XRN1: variants seen among roughly 807,000 people sequenced by gnomAD.
XRN1 encodes strand-exchange protein 1 homolog.
A neutral mutation model predicts 222.3 loss-of-function variants in XRN1; 67 were observed. The observed-to-expected ratio is 0.30, with a 90% confidence interval of 0.25 to 0.37. The LOEUF (loss-of-function observed/expected upper bound fraction) is 0.37. Ranked by LOEUF, XRN1 falls within the 10% of genes least tolerant of loss-of-function variation. XRN1 has a pLI of 1.00. For synonymous variants in XRN1, 643 were observed against 652.4 expected, an observed-to-expected ratio of 0.99 and a Z score of 0.22; for missense variants, 1,707 against 2,000.2, an observed-to-expected ratio of 0.85 and a Z score of 2.80.
chr3:142,384,468 AAT>A (rs929231578), intron 21 of XRN1, 53 bp downstream of exon 21: 1 of 1,381,850 alleles, frequency 7.2e-7, no homozygotes, highest in Non-Finnish European at 9.9e-7. Flanking sequence ...TTATACAGTG[AAT>A]AGTGTATTAA....
At chr3:142,336,365 T>C (rs901037879) in intron 33 of XRN1, among the ~76,000 whole-genome samples, 5 of 151,952 alleles carry the variant, frequency 3.3e-5, no homozygotes, top group Non-Finnish European at 5.9e-5. Flanking sequence ...TTTACCACTT[T>C]CTATCACTAG....
intron 33 of XRN1, among the ~76,000 whole-genome samples, chr3:142,340,284 G>T (rs2065957627): frequency 6.6e-6 from 1 of 152,200 alleles, no homozygotes; most frequent in African/African-American, 2.4e-5. Flanking sequence ...GAACCCAGGA[G>T]GCGGAGGTAG....
chr3:142,384,730 C>A (rs1453821927), intron 20 of XRN1, 45 bp from the exon 21 acceptor site: 5 of 1,397,598 alleles, frequency 3.6e-6, no homozygotes, highest in South Asian at 1.5e-5. Context: ...AATGAGTATG[C>A]AGATATTCTA....
chr3:142,368,432 A>C (rs1034961810), intron 27 of XRN1, among the ~76,000 whole-genome samples: 2 of 152,256 alleles, frequency 1.3e-5, no homozygotes, highest in African/African-American at 4.8e-5. Context: ...TACAGGCGTG[A>C]GCCACTGCAC....
rs772206184 is a variant in XRN1, at chr3:142,403,712, T to C, written c.2065A>G (p.Met689Val). 9 of 1,613,334 alleles carry C rather than the reference T, an allele frequency of 5.6e-6. No homozygotes were observed. The South Asian group carries it at 9.9e-5, about 18-fold the overall frequency. Reference protein sequence around the residue: ...FQQSSRGENMMLEILVDAESD... With the variant: ...FQQSSRGENMVLEILVDAESD... ...TCTGCATCCACTAAGATTTCCAACA[T>C]CATGTTTTCTCCACGACTGCTTTGC... The change falls in exon 18 of 41, where the codon ATG (methionine) becomes GTG (valine). Residue 689 changes from methionine (M) to valine (V), a missense_variant. Transcript: ENST00000392981.
At chr3:142,421,254 T>C in intron 9 of XRN1, 101 bp from the exon 10 acceptor site, 1 of 1,170,952 alleles carries the variant, frequency 8.5e-7, no homozygotes, top group African/African-American at 1.6e-5. Flanking sequence ...TATAGGAAAT[T>C]GGAGAATGTT....
intron 1 of XRN1, among the ~76,000 whole-genome samples, chr3:142,445,639 C>T (rs1347458212): frequency 2.0e-5 from 3 of 152,170 alleles, no homozygotes; most frequent in Non-Finnish European, 4.4e-5. Flanking sequence ...CTATCTCCTT[C>T]TCTTCTTGTC....
intron 33 of XRN1, 60 bp downstream of exon 33, chr3:142,347,174 G>A: frequency 8.9e-7 from 1 of 1,127,400 alleles, no homozygotes; most frequent in East Asian, 2.5e-5. Context: ...TCAATAAAAT[G>A]TTTATTTTTT....
intron 33 of XRN1, among the ~76,000 whole-genome samples, chr3:142,347,019 A>G (rs1373867443): frequency 6.6e-6 from 1 of 152,210 alleles, no homozygotes; most frequent in Non-Finnish European, 1.5e-5. Flanking sequence ...AGTGACTGCT[A>G]ATAGGTATGG....
intron 33 of XRN1, among the ~76,000 whole-genome samples, chr3:142,339,841 A>G (rs1165450933): frequency 1.3e-5 from 2 of 152,174 alleles, no homozygotes; most frequent in Admixed American, 6.5e-5. Flanking sequence ...AAATCCCCAA[A>G]TAGCTGTTTT....
intron 32 of XRN1, among the ~76,000 whole-genome samples, chr3:142,351,705 G>T (rs1297047958): frequency 6.6e-6 from 1 of 151,720 alleles, no homozygotes; most frequent in Non-Finnish European, 1.5e-5. Context: ...CTTACTGCTT[G>T]ACTAATGACT....
chr3:142,354,400 T>C (rs1175594884), intron 32 of XRN1, among the ~76,000 whole-genome samples: 1 of 152,184 alleles, frequency 6.6e-6, no homozygotes, highest in African/African-American at 2.4e-5. Flanking sequence ...AGAACTACCA[T>C]TCGACCCAGC....
At chr3:142,376,912 G>C (rs909138362) in intron 23 of XRN1, among the ~76,000 whole-genome samples, 1 of 152,002 alleles carries the variant, frequency 6.6e-6, no homozygotes, top group Admixed American at 6.6e-5. Context: ...CCACAGGCAA[G>C]TTTTTTGTTT....
At chr3:142,440,559 C>T (rs1043030848) in intron 1 of XRN1, among the ~76,000 whole-genome samples, 1 of 151,928 alleles carries the variant, frequency 6.6e-6, no homozygotes, top group Non-Finnish European at 1.5e-5. Flanking sequence ...ACAAGGACTC[C>T]AAAAGATTGT....
intron 19 of XRN1, among the ~76,000 whole-genome samples, chr3:142,397,819 G>A (rs2067984884): frequency 6.6e-6 from 1 of 152,128 alleles, no homozygotes; most frequent in Non-Finnish European, 1.5e-5. Context: ...AGCCAGAAGA[G>A]ATTGAAAATG....
chr3:142,326,670 AAC>A (rs1322158657), intron 37 of XRN1, among the ~76,000 whole-genome samples: 1 of 152,122 alleles, frequency 6.6e-6, no homozygotes, highest in East Asian at 1.9e-4. Context: ...GTACTATATT[AAC>A]AGTGGTGAAA....
chr3:142,376,604 T>C lies in XRN1; in HGVS notation c.2716-10A>G. The C allele has an allele frequency of 6.4e-7, 1 of 1,574,592 alleles. No homozygotes were observed. The highest frequency in any genetic ancestry group is 1.2e-5 in the South Asian group (1 of 86,660). On this transcript the variant is annotated splice_polypyrimidine_tract_variant and intron_variant, in intron 23 of 40. Coordinates refer to ENST00000392981, the MANE Select transcript of XRN1 (RefSeq NM_001282857.2). ...ACTTTATAGAATATTTCTTTAAATA[T>C]AAAAACAAAAAGGTCAATTATGGAA...
intron 14 of XRN1, 103 bp downstream of exon 14, chr3:142,414,032 C>A: frequency 1.7e-6 from 2 of 1,179,996 alleles, no homozygotes; most frequent in Non-Finnish European, 2.3e-6. Context: ...CTGAAAATAA[C>A]TACTTAGCTA....
intron 33 of XRN1, among the ~76,000 whole-genome samples, chr3:142,338,409 T>A (rs149201692): frequency 4.7e-4 from 72 of 152,210 alleles, no homozygotes; most frequent in African/African-American, 1.6e-3. Flanking sequence ...GCAGGATTCA[T>A]CACTTGTTAA....
Sources: gnomAD v4.1 joint callset for allele counts (sites outside exome capture counted in the v4.1 genomes callset) on GRCh38, gnomAD v4.1.1 for gene constraint, MANE v1.5 for transcripts, NCBI Gene and HGNC (gene_info 2026-07-23, HGNC 2026-07-21) for gene names.